The following ZMIZ1 variants were observed in gnomAD, a reference collection of about 807,000 sequenced individuals.
ZMIZ1 encodes zinc finger MIZ domain-containing protein 1.
A neutral mutation model predicts 113.9 loss-of-function variants in ZMIZ1; 17 were observed. The observed-to-expected ratio is 0.15, with a 90% CI of 0.10 to 0.22. The LOEUF is 0.22. Among genes scored for constraint, ZMIZ1 ranks in the 10% least tolerant of loss-of-function variants. ZMIZ1 has a pLI of 1.00. For missense variants in ZMIZ1, 1,059 were observed against 1,477.8 expected (o/e 0.72, Z 4.65); for synonymous variants, 607 against 603.1 (o/e 1.01, Z -0.09).
At chr10:79,130,282 C>T (rs1844699983) in intron 2 of ZMIZ1, among the ~76,000 whole-genome samples, 1 of 152,198 alleles carries the variant, frequency 6.6e-6, no homozygotes, top group Non-Finnish European at 1.5e-5. Context: ...GAAAGGCTGC[C>T]CAGAGCTGCC....
In ZMIZ1 at chr10:79,292,246, G is replaced by A. The variant is rs1489323811; in HGVS notation, c.847G>A (p.Ala283Thr). The change falls in exon 11 of 25, where the codon GCT (alanine) becomes ACT (threonine). Residue 283 changes from alanine to threonine, a missense_variant. Physicochemically the swap from Ala to Thr is moderately conservative, Grantham distance 58. Around this residue, in one of 6 missense-constraint regions of ZMIZ1, gnomAD observed 23 missense variants for 73.3 expected, o/e 0.31. Transcript: ENST00000334512. ...TGACTTCACTCAGCCCGCGGCAGCC[G>A]CTGCAGCAGCGGCAGTGGCAGCAGC... Reference protein sequence around the residue: ...PADFTQPAAAAAAAAVAAAAA... With the variant: ...PADFTQPAAATAAAAVAAAAA... 1 of 1,612,166 alleles carries A rather than the reference G, an allele frequency of 6.2e-7. No homozygotes were observed. Among genetic ancestry groups the A allele is most frequent in the East Asian group, 2.2e-5 (1 of 44,882 alleles).
chr10:79,167,095 G>A (rs956356703), intron 4 of ZMIZ1, among the ~76,000 whole-genome samples: 8 of 151,986 alleles, frequency 5.3e-5, no homozygotes, highest in Non-Finnish European at 8.8e-5. Context: ...CTCCATCCTC[G>A]GAAGCCTTCC....
intron 3 of ZMIZ1, among the ~76,000 whole-genome samples, chr10:79,161,397 C>A (rs1215574975): frequency 6.6e-6 from 1 of 152,226 alleles, no homozygotes; most frequent in African/African-American, 2.4e-5. Flanking sequence ...CACGGCACCC[C>A]TCCCTTGCTC....
chr10:79,301,695 A>G (rs1854311726), intron 17 of ZMIZ1, among the ~76,000 whole-genome samples: 1 of 152,144 alleles, frequency 6.6e-6, no homozygotes, highest in African/African-American at 2.4e-5. Context: ...GTGAGGCTGC[A>G]CAACTGTCAG....
chr10:79,288,192 A>G lies in ZMIZ1; in HGVS notation c.426-1583A>G, dbSNP rs1433671514. ...ACTTGACCAGCATTGCCAAGAGCTCAGCCGGGCAAGGCACAGAGCACAAGA... is the reference window on the plus strand; with the variant it reads ...ACTTGACCAGCATTGCCAAGAGCTCGGCCGGGCAAGGCACAGAGCACAAGA... On this transcript the variant is annotated intron_variant, in intron 8 of 24. Transcript: ENST00000334512. Among the ~76,000 whole-genome samples, 3 of 152,324 alleles carry G rather than the reference A, an allele frequency of 2.0e-5. No individual in the cohort carries two copies. The East Asian group carries it at 5.8e-4, about 29-fold the overall frequency.
rs1377192454 is a variant in ZMIZ1 at position 79,313,363 on chromosome 10, A to G, written c.*614A>G. ...GGGTCATCGGTTTGACCCCTGACCTATAAGCCAAGATACCCCATAAACACA... is the reference window on the plus strand; with the variant it reads ...GGGTCATCGGTTTGACCCCTGACCTGTAAGCCAAGATACCCCATAAACACA... On this transcript the variant is annotated 3_prime_UTR_variant, in exon 25 of 25. Transcript: ENST00000334512. 1 of 155,812 alleles carries G rather than the reference A, an allele frequency of 6.4e-6. No homozygotes were observed. Among genetic ancestry groups the G allele is most frequent in the African/African-American group, 2.4e-5 (1 of 41,414 alleles). The allele number at this position is 155,812 out of a possible 1,614,324, so 9.7% of individuals were successfully genotyped here.
intron 1 of ZMIZ1, among the ~76,000 whole-genome samples, chr10:79,095,746 A>G (rs892978278): frequency 6.6e-6 from 1 of 152,230 alleles, no homozygotes; most frequent in African/African-American, 2.4e-5. Context: ...GTTAATCTTC[A>G]GGGTGCAATC....
chr10:79,311,852 C>G (rs1331190751), intron 24 of ZMIZ1, among the ~76,000 whole-genome samples: 2 of 151,848 alleles, frequency 1.3e-5, no homozygotes, highest in Non-Finnish European at 2.9e-5. Flanking sequence ...GAGCACCGGC[C>G]CCGCCCATGC....
intron 7 of ZMIZ1, among the ~76,000 whole-genome samples, chr10:79,253,221 C>T (rs1243028200): frequency 6.6e-6 from 1 of 152,180 alleles, no homozygotes; most frequent in Non-Finnish European, 1.5e-5. Context: ...CATCTTTGTG[C>T]ATATATCAGA....
intron 2 of ZMIZ1, among the ~76,000 whole-genome samples, chr10:79,129,809 C>A (rs980023498): frequency 6.6e-6 from 1 of 152,238 alleles, no homozygotes; most frequent in East Asian, 1.9e-4. Context: ...TGGGAGGGAT[C>A]GCACTGGCCC....
chr10:79,298,216 G>A (rs563490352), intron 14 of ZMIZ1, among the ~76,000 whole-genome samples, 190 bp from the exon 15 acceptor site: 83 of 152,264 alleles, frequency 5.5e-4, no homozygotes, highest in African/African-American at 2.0e-3. Context: ...GAAGGGTGGG[G>A]AGGCCCTTCC....
chr10:79,201,866 G>A (rs548046267), intron 5 of ZMIZ1, among the ~76,000 whole-genome samples, 174 bp downstream of exon 5: 161 of 152,172 alleles, frequency 1.1e-3, no homozygotes, highest in Admixed American at 2.5e-3. Context: ...TCACATGCCT[G>A]GGTTTCAGTG....
intron 7 of ZMIZ1, among the ~76,000 whole-genome samples, chr10:79,242,115 A>G (rs1051894569): frequency 1.3e-5 from 2 of 152,118 alleles, no homozygotes; most frequent in African/African-American, 4.8e-5. Context: ...GGAAGGGGCG[A>G]AGATCTCTGG....
At chr10:79,284,177 C>A (rs1199755877) in intron 8 of ZMIZ1, among the ~76,000 whole-genome samples, 2 of 152,224 alleles carry the variant, frequency 1.3e-5, no homozygotes, top group South Asian at 2.1e-4. Context: ...CATTTTCTCA[C>A]ATTCAGCAAA....
In ZMIZ1 at chr10:79,153,612, C is replaced by T. The variant is rs567852725; in HGVS notation, c.-130-8441C>T. 8.5e-5 allele frequency among the ~76,000 whole-genome samples: 13 copies of T among 152,382 alleles called. No individual in the cohort carries two copies. In the South Asian group the frequency reaches 2.7e-3, roughly 32 times the overall value. On this transcript the variant is annotated intron_variant, in intron 3 of 24. Transcript: ENST00000334512. ...CTGATGTTCCTGTAAATAGCAAGTG[C>T]TCCTGTTGCCTGGGCTCTGAAAGCC...
intron 7 of ZMIZ1, among the ~76,000 whole-genome samples, chr10:79,251,378 A>C (rs72818235): frequency 0.015 from 2,230 of 152,214 alleles, 29 homozygotes; most frequent in Non-Finnish European, 0.021. Context: ...GCCCCTGAGC[A>C]AACATGAGCT....
chr10:79,103,692 C>G (rs1163232486), intron 1 of ZMIZ1, among the ~76,000 whole-genome samples: 1 of 152,054 alleles, frequency 6.6e-6, no homozygotes, highest in Admixed American at 6.5e-5. Flanking sequence ...TGGGGCACAC[C>G]AGGCCCCAGG....
rs1380691414 is a variant in ZMIZ1 at position 79,112,854 on chromosome 10, T to C, written c.-336-6061T>C. ...ATTTCTTCTGATTATTTCTTGACGG[T>C]CCCAGGCGTTGGTGGTAAACAACCA... On this transcript the variant is annotated intron_variant, in intron 1 of 24. Transcript: ENST00000334512. Among the ~76,000 whole-genome samples, 3 of 152,206 alleles carry C rather than the reference T, an allele frequency of 2.0e-5. No homozygotes were observed. In the East Asian group the frequency reaches 5.8e-4, roughly 29 times the overall value.
At chr10:79,203,643 C>T (rs541642561) in intron 5 of ZMIZ1, among the ~76,000 whole-genome samples, 60 of 152,188 alleles carry the variant, frequency 3.9e-4, no homozygotes, top group Non-Finnish European at 7.1e-4. Context: ...CACCTAGCTC[C>T]GTATCACCAG....
Sources: allele counts gnomAD v4.1 joint callset (sites outside exome capture counted in the v4.1 genomes callset), GRCh38; gene constraint gnomAD v4.1.1; regional missense constraint gnomAD v4.1.1; transcripts MANE v1.5; gene names NCBI Gene and HGNC (gene_info 2026-07-23, HGNC 2026-07-21).